Variants in WDPCP observed in about 807,000 individuals in gnomAD.
WDPCP encodes the protein WD repeat containing planar cell polarity effector, also known as WD repeat-containing and planar cell polarity effector protein fritz homolog.
In WDPCP, 71 loss-of-function variants were observed where a neutral mutation model predicts 93.1. That is an observed-to-expected ratio of 0.76 (90% CI 0.63 to 0.93). The LOEUF (loss-of-function observed/expected upper bound fraction) is 0.93, where lower values mean the gene tolerates loss of function less well. Among genes scored for constraint, WDPCP ranks in the 40% least tolerant of loss-of-function variants. The pLI is 0.00. For synonymous variants in WDPCP, 315 were observed against 315.0 expected (o/e 1.00, Z 0.00); for missense variants, 844 against 887.4 (o/e 0.95, Z 0.62).
At chr2:63,411,469 A>C (rs1695018091) in intron 9 of WDPCP, among the ~76,000 whole-genome samples, 1 of 152,146 alleles carries the variant, frequency 6.6e-6, no homozygotes, top group South Asian at 2.1e-4. Context: ...CACTTCAAGG[A>C]ATTACAGAAA....
intron 12 of WDPCP, among the ~76,000 whole-genome samples, chr2:63,366,486 T>G (rs1343292405): frequency 6.6e-6 from 1 of 151,518 alleles, no homozygotes; most frequent in Non-Finnish European, 1.5e-5. Context: ...TCTACAACAC[T>G]GTCATCAATA....
chr2:63,163,822 A>C (rs961641058), intron 15 of WDPCP, among the ~76,000 whole-genome samples: 10 of 152,070 alleles, frequency 6.6e-5, no homozygotes, highest in Admixed American at 2.6e-4. Flanking sequence ...TTCATCCATT[A>C]TATTGTTTAT....
rs796204692 is a variant in WDPCP, at chr2:63,787,670, C to T, written n.308+25952G>A. ...TTGGGCACTGACCATAATCCACTTT[C>T]TGTCAATTAAAATTATAGTAAATAT... is the stretch of plus-strand genomic sequence containing the variant. On this transcript the variant is annotated intron_variant and non_coding_transcript_variant, in intron 2 of 4. Transcript: ENST00000467687. 3.6e-4 allele frequency among the ~76,000 whole-genome samples: 55 copies of T among 152,236 alleles called. 1 individual carries two copies. The highest frequency in any genetic ancestry group is 1.3e-3 in the African/African-American group (52 of 41,540).
chr2:63,676,151 A>G (rs1057453834), intron 2 of WDPCP, among the ~76,000 whole-genome samples: 11 of 152,250 alleles, frequency 7.2e-5, no homozygotes, highest in African/African-American at 2.7e-4. Flanking sequence ...ACATCTGTTC[A>G]AAGACATCAG....
chr2:63,193,493 T>G (rs1018139953), intron 14 of WDPCP, among the ~76,000 whole-genome samples: 3 of 152,188 alleles, frequency 2.0e-5, no homozygotes, highest in Non-Finnish European at 4.4e-5. Context: ...ATGACATTAT[T>G]TATTTATTTA....
At chr2:63,153,448 G>T in intron 16 of WDPCP, 47 bp downstream of exon 16, 1 of 1,432,666 alleles carries the variant, frequency 7.0e-7, no homozygotes, top group Non-Finnish European at 9.8e-7. Context: ...CTATAACATA[G>T]TTTTTCTGTT....
chr2:63,337,274 C>T (rs1367067131), intron 12 of WDPCP, among the ~76,000 whole-genome samples: 1 of 152,126 alleles, frequency 6.6e-6, no homozygotes, highest in African/African-American at 2.4e-5. Context: ...TTTCACTTAA[C>T]ATAATGACCT....
At chr2:63,379,450 C>T (rs905690123) in intron 11 of WDPCP, among the ~76,000 whole-genome samples, 1 of 151,906 alleles carries the variant, frequency 6.6e-6, no homozygotes, top group Non-Finnish European at 1.5e-5. Flanking sequence ...TTTTTTTAAT[C>T]TCAAATCTAG....
chr2:63,155,988 A>T (rs1672218785), intron 15 of WDPCP, among the ~76,000 whole-genome samples: 1 of 151,994 alleles, frequency 6.6e-6, no homozygotes, highest in Admixed American at 6.6e-5. Context: ...CAAACCGTAA[A>T]CACGTCTATT....
chr2:63,575,260 C>G (rs928379146), intron 1 of WDPCP, among the ~76,000 whole-genome samples: 11 of 148,778 alleles, frequency 7.4e-5, no homozygotes, highest in Non-Finnish European at 1.3e-4. Flanking sequence ...GTATGTCTCT[C>G]TATACATAAT....
chr2:63,634,346 C>A (rs376420874), intron 3 of WDPCP, among the ~76,000 whole-genome samples: 1 of 152,116 alleles, frequency 6.6e-6, no homozygotes, highest in African/African-American at 2.4e-5. Flanking sequence ...TAAATATGCA[C>A]CCAGTATTGG....
At chr2:63,129,650 G>A (rs1480976151) in intron 17 of WDPCP, among the ~76,000 whole-genome samples, 1 of 152,046 alleles carries the variant, frequency 6.6e-6, no homozygotes, top group Non-Finnish European at 1.5e-5. Flanking sequence ...TTATTGGGTT[G>A]TAGTTCTTCT....
rs548302078 is a variant in WDPCP, at chr2:63,198,447, T to TATTTTTTTATA, written c.1916-23616_1916-23615insTATAAAAAAAT. On this transcript the variant is annotated intron_variant, in intron 14 of 17. Coordinates refer to ENST00000272321, the MANE Select transcript of WDPCP (RefSeq NM_015910.7). ...ACTTGTGGATGCCAGGGAAAAACAG[T>TATTTTTTTATA]CTGATGGTATTTTTATATGCATAAT... 6.2e-4 allele frequency among the ~76,000 whole-genome samples: 95 copies of TATTTTTTTATA among 152,278 alleles called. 3 individuals carry two copies. In the South Asian group the frequency reaches 0.019, roughly 31 times the overall value.
chr2:63,689,534 A>G (rs1057478354), intron 2 of WDPCP, among the ~76,000 whole-genome samples: 44 of 152,196 alleles, frequency 2.9e-4, no homozygotes, highest in African/African-American at 8.7e-4. Flanking sequence ...TGGTGAACCC[A>G]AGTAACTGAA....
chr2:63,139,170 T>TACACAC lies in WDPCP; in HGVS notation c.2190+13738_2190+13743dup, dbSNP rs143596446. ...GTATATGTGTATGTATATATGTGTATACACACACACACACACACACACACA... is the reference window on the plus strand; with the variant it reads ...GTATATGTGTATGTATATATGTGTATACACACACACACACACACACACACACACACA... On this transcript the variant is annotated intron_variant, in intron 17 of 17. Transcript: ENST00000272321. 1.4e-3 allele frequency among the ~76,000 whole-genome samples: 215 copies of TACACAC among 149,330 alleles called. 1 individual carries two copies. Among genetic ancestry groups the TACACAC allele is most frequent in the African/African-American group, 3.6e-3 (148 of 40,636 alleles).
intron 2 of WDPCP, among the ~76,000 whole-genome samples, chr2:63,719,314 G>A (rs1251277525): frequency 6.6e-6 from 1 of 152,148 alleles, no homozygotes; most frequent in Admixed American, 6.5e-5. Context: ...GGTGGTGCAG[G>A]GAGGGAATGT....
At chr2:63,699,469 G>A (rs1311040641) in intron 2 of WDPCP, among the ~76,000 whole-genome samples, 5 of 152,210 alleles carry the variant, frequency 3.3e-5, no homozygotes, top group Non-Finnish European at 5.9e-5. Context: ...AAGGAACTGA[G>A]AGGATTCAGA....
At chr2:63,249,387 A>C (rs1186561825) in intron 14 of WDPCP, among the ~76,000 whole-genome samples, 2 of 152,118 alleles carry the variant, frequency 1.3e-5, no homozygotes, top group Non-Finnish European at 2.9e-5. Context: ...TTGAAGCAAA[A>C]CTGACATGAT....
chr2:63,467,327 C>G (rs1284675054), intron 6 of WDPCP, among the ~76,000 whole-genome samples: 1 of 149,830 alleles, frequency 6.7e-6, no homozygotes, highest in African/African-American at 2.5e-5. Context: ...TAAAAATACA[C>G]AAATAAGCCG....
Sources: allele counts gnomAD v4.1 joint callset (sites outside exome capture counted in the v4.1 genomes callset), GRCh38; gene constraint gnomAD v4.1.1; transcripts MANE v1.5; gene names NCBI Gene and HGNC (gene_info 2026-07-23, HGNC 2026-07-21).